Variants in STOM observed in about 807,000 individuals in gnomAD.
The protein encoded by STOM is erythrocyte band 7 integral membrane protein.
Under a neutral mutation model 30.6 loss-of-function variants are expected in STOM, and 25 were observed. That is an observed-to-expected ratio of 0.82 (90% confidence interval 0.60 to 1.14). The LOEUF is 1.14. Ranked by LOEUF, STOM falls within the 50% of genes most tolerant of loss-of-function variation. The pLI, the probability that STOM is intolerant of heterozygous loss-of-function variation, is 0.00. For missense variants in STOM, 292 were observed against 365.2 expected, an observed-to-expected ratio of 0.80 and a Z score of 1.63; for synonymous variants, 118 against 130.8, an observed-to-expected ratio of 0.90 and a Z score of 0.67.
At chr9:121,351,654 T>C (rs1312033985) in intron 4 of STOM, among the ~76,000 whole-genome samples, 1 of 152,248 alleles carries the variant, frequency 6.6e-6, no homozygotes, top group East Asian at 1.9e-4. Flanking sequence ...TCATGTACAA[T>C]GCATTTAGCA....
intron 5 of STOM, 117 bp downstream of exon 5, chr9:121,349,003 A>G: frequency 8.1e-7 from 1 of 1,240,610 alleles, no homozygotes; most frequent in South Asian, 1.6e-5. Flanking sequence ...ACTATGAAGA[A>G]AAAAAAACGG....
intron 1 of STOM, among the ~76,000 whole-genome samples, chr9:121,362,839 T>C (rs1465967972): frequency 1.3e-5 from 2 of 152,318 alleles, no homozygotes; most frequent in East Asian, 3.9e-4. Flanking sequence ...ATTTGTTGTG[T>C]AGTAATTTTT....
intron 1 of STOM, among the ~76,000 whole-genome samples, chr9:121,368,468 C>A (rs536696577): frequency 1.3e-5 from 2 of 152,292 alleles, no homozygotes; most frequent in South Asian, 2.1e-4. Context: ...AGGCAGTTAC[C>A]ACCCATTTTT....
chr9:121,365,089 A>G (rs1428368676), intron 1 of STOM, among the ~76,000 whole-genome samples: 1 of 152,106 alleles, frequency 6.6e-6, no homozygotes, highest in African/African-American at 2.4e-5. Context: ...CTCAAAAAAC[A>G]TTTGTTAAAT....
intron 1 of STOM, 60 bp downstream of exon 1, chr9:121,370,067 A>G (rs1233717628): frequency 2.0e-6 from 3 of 1,465,056 alleles, no homozygotes; most frequent in African/African-American, 2.8e-5. Flanking sequence ...CAGACCTCGG[A>G]GCGCACGCTG....
chr9:121,353,438 T>C (rs2064357051), intron 3 of STOM, 136 bp from the exon 4 acceptor site: 1 of 475,180 alleles, frequency 2.1e-6, no homozygotes, highest in Non-Finnish European at 3.8e-6. Flanking sequence ...AAGCCAGGAA[T>C]GATAACTTTG....
chr9:121,351,629 G>C (rs1042841952), intron 4 of STOM, among the ~76,000 whole-genome samples: 9 of 152,186 alleles, frequency 5.9e-5, no homozygotes, highest in African/African-American at 2.2e-4. Context: ...ACTTTTTCGG[G>C]GGCTATGAGG....
At chr9:121,349,559 C>G (rs940610489) in intron 4 of STOM, among the ~76,000 whole-genome samples, 2 of 151,948 alleles carry the variant, frequency 1.3e-5, no homozygotes, top group Non-Finnish European at 2.9e-5. Flanking sequence ...TACTAGGTAC[C>G]AGGGATTAAG....
rs763240128 is a variant in STOM at position 121,349,071 on chromosome 9, G to C, written c.525+49C>G. The C allele has an allele frequency of 6.9e-6, 11 of 1,588,082 alleles. No homozygotes were observed. In the South Asian group the frequency reaches 1.2e-4, roughly 18 times the overall value. ...GTTCTCAAACAACCATTGACTCTTT[G>C]CTTCATTTTTCAGCTTCTGGGGGGT... On this transcript the variant is annotated intron_variant, in intron 5 of 6. Coordinates refer to ENST00000286713, the MANE Select transcript of STOM (RefSeq NM_004099.6).
chr9:121,345,596 T>C (rs1157354085), intron 6 of STOM, among the ~76,000 whole-genome samples: 1 of 152,190 alleles, frequency 6.6e-6, no homozygotes, highest in African/African-American at 2.4e-5. Context: ...AGGGCTAGGC[T>C]CATTGTGATT....
chr9:121,370,223 T>A lies in STOM; in HGVS notation c.-36A>T. 9 of 1,536,486 alleles carry A rather than the reference T, an allele frequency of 5.9e-6. No homozygotes were observed. The highest frequency in any genetic ancestry group is 7.9e-6 in the Non-Finnish European group (9 of 1,138,724). On this transcript the variant is annotated 5_prime_UTR_variant, in exon 1 of 7. Coordinates refer to ENST00000286713, the MANE Select transcript of STOM (RefSeq NM_004099.6). ...ACGCAGTCGCACTCCCCCGTCCTCG[T>A]TGCCAAACCCGGAGCCGCCGGGAAT...
At chr9:121,345,320 C>T (rs2064279664) in intron 6 of STOM, among the ~76,000 whole-genome samples, 2 of 152,306 alleles carry the variant, frequency 1.3e-5, no homozygotes, top group African/African-American at 2.4e-5. Flanking sequence ...TCCTCTCTCA[C>T]CCACACTTGG....
At chr9:121,364,575 G>A (rs183981928) in intron 1 of STOM, among the ~76,000 whole-genome samples, 2 of 152,206 alleles carry the variant, frequency 1.3e-5, no homozygotes, top group Admixed American at 1.3e-4. Flanking sequence ...GAAAACAAAT[G>A]GACTAATACT....
chr9:121,363,031 T>G (rs1014212182), intron 1 of STOM, among the ~76,000 whole-genome samples: 2 of 152,222 alleles, frequency 1.3e-5, no homozygotes, highest in Non-Finnish European at 2.9e-5. Context: ...GAGATTTTAT[T>G]ATTGTAAAGT....
Position 121,341,304 on chromosome 9 carries a change from T to C in STOM, c.765A>G (p.Thr255=), listed in dbSNP as rs762536037. The change falls in exon 7 of 7, where the codon ACA becomes ACG. Residue 255 remains threonine, a synonymous_variant. Transcript: ENST00000286713. The part of the protein sequence containing the change: ...PAALQLRYLQ[T]LTTIAAEKNS... ...TTTTCTCAGCAGCAATGGTGGTCAGTGTCTGCAGGTATCGGAGCTGAAGGG... is the reference window on the plus strand; with the variant it reads ...TTTTCTCAGCAGCAATGGTGGTCAGCGTCTGCAGGTATCGGAGCTGAAGGG... 2 of 1,614,196 alleles carry C rather than the reference T, an allele frequency of 1.2e-6. No individual in the cohort carries two copies. Among genetic ancestry groups the C allele is most frequent in the Non-Finnish European group, 1.7e-6 (2 of 1,180,028 alleles).
chr9:121,349,216 G>C lies in STOM; in HGVS notation c.429C>G (p.Thr143=). The C allele has an allele frequency of 6.2e-7, 1 of 1,614,134 alleles. No individual in the cohort carries two copies. Among genetic ancestry groups the C allele is most frequent in the Non-Finnish European group, 8.5e-7 (1 of 1,180,028 alleles). ...TCAGAGTAGTTTGTGCCAAAAGACGGGTTGCTGAGTCAGCGTTGGTGATAT... is the reference window on the plus strand; with the variant it reads ...TCAGAGTAGTTTGTGCCAAAAGACGCGTTGCTGAGTCAGCGTTGGTGATAT... ...VANITNADSA[T]RLLAQTTLRN... The change falls in exon 5 of 7, where the codon ACC becomes ACG. Residue 143 remains threonine, a synonymous_variant. Transcript: ENST00000286713.
intron 1 of STOM, among the ~76,000 whole-genome samples, chr9:121,356,990 GAAA>G (rs1443184733): frequency 6.6e-6 from 1 of 151,748 alleles, no homozygotes; most frequent in African/African-American, 2.4e-5. Context: ...CAAAAGAAAA[GAAA>G]AGAAAAGAAA....
chr9:121,359,698 C>CTGAAA (rs1407477822), intron 1 of STOM, among the ~76,000 whole-genome samples: 1 of 152,090 alleles, frequency 6.6e-6, no homozygotes, highest in Non-Finnish European at 1.5e-5. Context: ...ATTTAACTTT[C>CTGAAA]CCAAAGTCAC....
chr9:121,369,149 G>A (rs2064535898), intron 1 of STOM, among the ~76,000 whole-genome samples: 4 of 152,182 alleles, frequency 2.6e-5, no homozygotes, highest in African/African-American at 9.7e-5. Context: ...CTGGACAAGG[G>A]AAATGGAACT....
Sources: allele counts gnomAD v4.1 joint callset (sites outside exome capture counted in the v4.1 genomes callset), GRCh38; gene constraint gnomAD v4.1.1; transcripts MANE v1.5; gene names NCBI Gene and HGNC (gene_info 2026-07-23, HGNC 2026-07-21).